The following CHL1 variants were observed in gnomAD, a reference collection of about 807,000 sequenced individuals.
The protein encoded by CHL1 is neural cell adhesion molecule L1-like protein.
A neutral mutation model predicts 141.9 loss-of-function variants in CHL1; 96 were observed. The ratio of observed to expected loss-of-function variants is 0.68; its 90% CI spans 0.57 to 0.80. The LOEUF (loss-of-function observed/expected upper bound fraction) is 0.80, where lower values mean the gene tolerates loss of function less well. Ranked by LOEUF, CHL1 falls within the 30% of genes least tolerant of loss-of-function variation. CHL1 has a pLI of 0.00. For synonymous variants in CHL1, 613 were observed against 502.2 expected, an observed-to-expected ratio of 1.22 and a Z score of -2.95; for missense variants, 1,820 against 1,457.2, an observed-to-expected ratio of 1.25 and a Z score of -4.05.
rs539472197 is a variant in CHL1, at chr3:215,522, T to C, written c.-175+18459T>C. 2.6e-5 allele frequency among the ~76,000 whole-genome samples: 4 copies of C among 152,278 alleles called. No individual in the cohort carries two copies. In the East Asian group the frequency reaches 7.7e-4, roughly 29 times the overall value. On this transcript the variant is annotated intron_variant, in intron 1 of 27. Transcript: ENST00000256509. The stretch of plus-strand genomic sequence containing the variant: ...GTGACTATAGTAAACAGTATTATAG[T>C]TTGTATTTCCAAATAACTAGAAGAG...
intron 2 of CHL1, 72 bp from the exon 3 acceptor site, chr3:319,611 G>C: frequency 3.5e-6 from 1 of 285,102 alleles, no homozygotes; most frequent in Admixed American, 5.6e-5. Context: ...AAAAAAAAAA[G>C]AAGGTATTTA....
intron 1 of CHL1, among the ~76,000 whole-genome samples, chr3:242,532 C>T (rs548013682): frequency 6.6e-6 from 1 of 151,944 alleles, no homozygotes; most frequent in East Asian, 1.9e-4. Flanking sequence ...GGAGGCAGAG[C>T]TTGCAGTGAG....
intron 23 of CHL1, among the ~76,000 whole-genome samples, chr3:394,348 T>G (rs1708488611): frequency 6.6e-6 from 1 of 152,074 alleles, no homozygotes; most frequent in South Asian, 2.1e-4. Context: ...GAAAATTCAT[T>G]ATTATTAATG....
At chr3:316,209 A>C (rs1700143964) in intron 2 of CHL1, among the ~76,000 whole-genome samples, 1 of 152,034 alleles carries the variant, frequency 6.6e-6, no homozygotes, top group African/African-American at 2.4e-5. Context: ...GCCAGGGTCT[A>C]TGTCTGCAGC....
At chr3:242,674 G>A (rs1692771938) in intron 1 of CHL1, among the ~76,000 whole-genome samples, 2 of 109,922 alleles carry the variant, frequency 1.8e-5, no homozygotes, top group Admixed American at 1.2e-4. Context: ...AAGAACACAT[G>A]CACACAAACA....
rs749330525 is a variant in CHL1, at chr3:405,478, GT to G, written c.3459-14del. On this transcript the variant is annotated splice_polypyrimidine_tract_variant and intron_variant, in intron 27 of 27. Coordinates refer to ENST00000256509, the MANE Select transcript of CHL1 (RefSeq NM_006614.4). ...TATTAGATTTTGTTGAGCTATTTTT[GT>G]TTGTTTGTTTTCTAGTGACAGTGAT... 5 of 1,536,538 alleles carry G rather than the reference GT, an allele frequency of 3.3e-6. No homozygotes were observed. In the African/African-American group the frequency reaches 6.8e-5, roughly 21 times the overall value.
chr3:293,538 C>T (rs1697901383), intron 2 of CHL1, among the ~76,000 whole-genome samples: 1 of 151,976 alleles, frequency 6.6e-6, no homozygotes, highest in African/African-American at 2.4e-5. Flanking sequence ...TTGAATCTTT[C>T]CCCCTGTATT....
intron 2 of CHL1, among the ~76,000 whole-genome samples, chr3:302,866 T>C (rs1019231185): frequency 6.6e-6 from 1 of 152,202 alleles, no homozygotes; most frequent in Non-Finnish European, 1.5e-5. Context: ...CTAGAGTTTT[T>C]ATGGTCTAGG....
At chr3:313,137 T>C (rs1469559169) in intron 2 of CHL1, among the ~76,000 whole-genome samples, 2 of 152,196 alleles carry the variant, frequency 1.3e-5, no homozygotes, top group Non-Finnish European at 2.9e-5. Flanking sequence ...GGACTGTCAC[T>C]GACATTTCTG....
intron 12 of CHL1, among the ~76,000 whole-genome samples, chr3:361,307 A>G (rs922002236): frequency 2.1e-5 from 3 of 145,286 alleles, no homozygotes; most frequent in Non-Finnish European, 4.5e-5. Flanking sequence ...GGACATAGGC[A>G]TGGGCAAGGA....
chr3:382,387 T>C, intron 17 of CHL1, 87 bp from the exon 18 acceptor site: 1 of 1,468,814 alleles, frequency 6.8e-7, no homozygotes, highest in Non-Finnish European at 9.5e-7. Flanking sequence ...TAACATCCTT[T>C]TGAACTTTTA....
intron 15 of CHL1, among the ~76,000 whole-genome samples, chr3:367,111 G>T (rs1705002207): frequency 6.6e-6 from 1 of 152,206 alleles, no homozygotes; most frequent in African/African-American, 2.4e-5. Context: ...AGCACTAGAT[G>T]ATATTAAGTA....
chr3:390,615 A>G (rs947100915), intron 20 of CHL1, 86 bp from the exon 21 acceptor site: 10 of 767,066 alleles, frequency 1.3e-5, no homozygotes, highest in Non-Finnish European at 2.2e-5. Flanking sequence ...TTTCTCCAGA[A>G]GAAACATTAT....
intron 1 of CHL1, among the ~76,000 whole-genome samples, chr3:231,764 A>G (rs1317131219): frequency 5.3e-5 from 8 of 151,668 alleles, no homozygotes; most frequent in Non-Finnish European, 8.8e-5. Context: ...TTTAGTAGAG[A>G]CGGGGTTTCA....
At chr3:353,376 A>T (rs3773391) in intron 10 of CHL1, among the ~76,000 whole-genome samples, 75,976 of 152,026 alleles carry the variant, frequency 0.5, 20,745 homozygotes, top group Admixed American at 0.67. Context: ...GGATATCATT[A>T]AAAAAATGCA....
intron 14 of CHL1, among the ~76,000 whole-genome samples, chr3:365,040 C>A (rs1261554500): frequency 6.6e-6 from 1 of 152,022 alleles, no homozygotes; most frequent in Non-Finnish European, 1.5e-5. Context: ...AGTTTTGTGC[C>A]TGGAATAACA....
chr3:326,552 A>G (rs1701028560), intron 4 of CHL1, among the ~76,000 whole-genome samples: 1 of 151,834 alleles, frequency 6.6e-6, no homozygotes, highest in South Asian at 2.1e-4. Context: ...GCAGAGTACT[A>G]TTGCATGATA....
chr3:235,552 G>A (rs1176969579), intron 1 of CHL1, among the ~76,000 whole-genome samples: 2 of 152,100 alleles, frequency 1.3e-5, no homozygotes, highest in Admixed American at 1.3e-4. Context: ...GTGTGATCAG[G>A]CATTAGTTCA....
intron 2 of CHL1, among the ~76,000 whole-genome samples, chr3:267,972 A>T (rs558172216): frequency 6.6e-6 from 1 of 152,282 alleles, no homozygotes; most frequent in East Asian, 1.9e-4. Context: ...TTCTAAAATG[A>T]TTCTTTCCTA....
Sources: allele counts gnomAD v4.1 joint callset (sites outside exome capture counted in the v4.1 genomes callset), GRCh38; gene constraint gnomAD v4.1.1; transcripts MANE v1.5; gene names NCBI Gene and HGNC (gene_info 2026-07-23, HGNC 2026-07-21).